RARB: variants seen among roughly 807,000 people sequenced by gnomAD.
RARB encodes the protein retinoic acid receptor beta.
Under a neutral mutation model 51.9 loss-of-function variants are expected in RARB, and 17 were observed. The observed-to-expected ratio is 0.33, with a 90% CI of 0.22 to 0.49. The LOEUF (loss-of-function observed/expected upper bound fraction) is 0.49, where lower values mean the gene tolerates loss of function less well. Ranked by LOEUF, RARB falls within the 20% of genes least tolerant of loss-of-function variation. The pLI is 0.99. For missense variants in RARB, 369 were observed against 550.8 expected, an observed-to-expected ratio of 0.67 and a Z score of 3.30; for synonymous variants, 215 against 195.4, an observed-to-expected ratio of 1.10 and a Z score of -0.84.
At chr3:25,191,715 C>T (rs116769185) in intron 5 of RARB, among the ~76,000 whole-genome samples, 73 of 152,196 alleles carry the variant, frequency 4.8e-4, no homozygotes, top group African/African-American at 1.6e-3. Context: ...TGAAATGGCA[C>T]CTCCCAAACC....
intron 2 of RARB, among the ~76,000 whole-genome samples, chr3:24,910,575 G>A (rs996748484): frequency 2.6e-5 from 4 of 152,102 alleles, no homozygotes; most frequent in African/African-American, 9.7e-5. Flanking sequence ...ATATCCCAGA[G>A]GCTCAATATG....
intron 5 of RARB, among the ~76,000 whole-genome samples, chr3:25,390,148 G>C (rs1706909574): frequency 6.6e-6 from 1 of 152,146 alleles, no homozygotes; most frequent in South Asian, 2.1e-4. Context: ...TTTAGGAGGT[G>C]TTTAGATTGT....
intron 5 of RARB, among the ~76,000 whole-genome samples, chr3:25,581,727 A>G (rs1701185578): frequency 6.6e-6 from 1 of 152,182 alleles, no homozygotes; most frequent in Non-Finnish European, 1.5e-5. Flanking sequence ...TGGAGCCCCA[A>G]GATGGAATCA....
At chr3:24,895,919 T>G (rs938348062) in intron 2 of RARB, among the ~76,000 whole-genome samples, 1 of 152,204 alleles carries the variant, frequency 6.6e-6, no homozygotes, top group African/African-American at 2.4e-5. Flanking sequence ...CACTCTTGTT[T>G]ATTGCAGCAT....
At chr3:25,098,586 C>G (rs79139652) in intron 3 of RARB, among the ~76,000 whole-genome samples, 1 of 152,092 alleles carries the variant, frequency 6.6e-6, no homozygotes, top group Admixed American at 6.5e-5. Flanking sequence ...GCTGGTGGGT[C>G]AAGTCCAGTC....
chr3:24,846,596 G>A (rs1181460477), intron 1 of RARB, among the ~76,000 whole-genome samples: 1 of 152,176 alleles, frequency 6.6e-6, no homozygotes, highest in Non-Finnish European at 1.5e-5. Flanking sequence ...GAACTGTTGT[G>A]GAGGGCAGGG....
intron 4 of RARB, among the ~76,000 whole-genome samples, chr3:25,579,729 C>T (rs774705251): frequency 1.3e-5 from 2 of 152,160 alleles, no homozygotes; most frequent in Non-Finnish European, 2.9e-5. Context: ...TGTGGATTTT[C>T]TGGCATTCTG....
chr3:25,154,476 G>A (rs552335933), intron 4 of RARB, among the ~76,000 whole-genome samples: 2 of 152,264 alleles, frequency 1.3e-5, no homozygotes, highest in South Asian at 2.1e-4. Context: ...GGCCCTCTCA[G>A]TGGGACCCTT....
chr3:25,010,196 C>A (rs1288486510), intron 2 of RARB, among the ~76,000 whole-genome samples: 1 of 152,066 alleles, frequency 6.6e-6, no homozygotes, highest in Non-Finnish European at 1.5e-5. Flanking sequence ...ATTAATTTTA[C>A]ACCTTTCTCC....
chr3:24,833,859 A>T (rs946834155), intron 1 of RARB, among the ~76,000 whole-genome samples: 70 of 152,314 alleles, frequency 4.6e-4, no homozygotes, highest in East Asian at 1.9e-3. Context: ...ATACCAGTTG[A>T]TAAGTATTTT....
intron 5 of RARB, among the ~76,000 whole-genome samples, chr3:25,189,521 G>A (rs1482725717): frequency 1.3e-5 from 2 of 152,098 alleles, no homozygotes; most frequent in African/African-American, 4.8e-5. Context: ...TTTTGAATCA[G>A]CTCCAACAGA....
At chr3:25,259,175 A>G in intron 5 of RARB, 2 of 734,656 alleles carry the variant, frequency 2.7e-6, no homozygotes, top group Non-Finnish European at 3.3e-6. Context: ...GGTAAAGTAG[A>G]GCAAATCCAC....
At chr3:25,158,492 GT>G (rs1251708440) in intron 4 of RARB, among the ~76,000 whole-genome samples, 1 of 152,076 alleles carries the variant, frequency 6.6e-6, no homozygotes, top group African/African-American at 2.4e-5. Flanking sequence ...AATTCTTCTT[GT>G]TTTTTAATTG....
At chr3:25,026,147 T>C (rs1177356991) in intron 2 of RARB, among the ~76,000 whole-genome samples, 1 of 152,160 alleles carries the variant, frequency 6.6e-6, no homozygotes, top group African/African-American at 2.4e-5. Flanking sequence ...ACCTGCACTT[T>C]TGCATAAAGT....
intron 5 of RARB, among the ~76,000 whole-genome samples, chr3:25,268,101 A>G (rs1703167403): frequency 6.6e-6 from 1 of 152,214 alleles, no homozygotes; most frequent in Non-Finnish European, 1.5e-5. Context: ...AAACAAAAAA[A>G]GTGCTTGAGG....
At chr3:25,316,054 C>G (rs1030073776) in intron 5 of RARB, among the ~76,000 whole-genome samples, 2 of 152,128 alleles carry the variant, frequency 1.3e-5, no homozygotes, top group Non-Finnish European at 2.9e-5. Context: ...GTTTTTTGAT[C>G]AAAGAATATG....
In RARB at chr3:25,329,534, G is replaced by T. The variant is rs12053850; in HGVS notation, c.179-131659G>T. Among the ~76,000 whole-genome samples, 3 of 152,024 alleles carry T rather than the reference G, an allele frequency of 2.0e-5. No individual in the cohort carries two copies. The East Asian group carries it at 5.8e-4, about 29-fold the overall frequency. On this transcript the variant is annotated intron_variant, in intron 5 of 11. Transcript: ENST00000383772. ...TCACCATCATCAAAGACCAAAGGTA[G>T]GTAAAACCACAAAGATGGGGAGAAA...
chr3:24,952,583 C>T (rs1179006143), intron 2 of RARB, among the ~76,000 whole-genome samples: 1 of 152,110 alleles, frequency 6.6e-6, no homozygotes, highest in Non-Finnish European at 1.5e-5. Flanking sequence ...ACCACATGGG[C>T]TTTACTCACT....
chr3:25,125,372 G>A (rs1575171883), intron 3 of RARB, among the ~76,000 whole-genome samples: 1 of 152,166 alleles, frequency 6.6e-6, no homozygotes, highest in Admixed American at 6.5e-5. Flanking sequence ...GCAAATCAGA[G>A]CAGCCTCTGT....
Sources: allele counts gnomAD v4.1 joint callset (sites outside exome capture counted in the v4.1 genomes callset), GRCh38; gene constraint gnomAD v4.1.1; transcripts MANE v1.5; gene names NCBI Gene and HGNC (gene_info 2026-07-23, HGNC 2026-07-21).